USP33: variants seen among roughly 807,000 people sequenced by gnomAD.
The protein encoded by USP33 is ubiquitin carboxyl-terminal hydrolase 33.
A neutral mutation model predicts 124.2 loss-of-function variants in USP33; 46 were observed. The ratio of observed to expected loss-of-function variants is 0.37; its 90% CI spans 0.29 to 0.47. USP33 has a LOEUF of 0.47. Among genes scored for constraint, USP33 ranks in the 20% least tolerant of loss-of-function variants. USP33 has a pLI of 0.99. For missense variants in USP33, 851 were observed against 1,070.6 expected, an observed-to-expected ratio of 0.79 and a Z score of 2.86; for synonymous variants, 350 against 352.3, an observed-to-expected ratio of 0.99 and a Z score of 0.07.
intron 8 of USP33, 26 bp from the exon 9 acceptor site, chr1:77,729,964 G>A: frequency 6.4e-7 from 1 of 1,563,198 alleles, no homozygotes; most frequent in African/African-American, 1.4e-5. Context: ...TTTTTAAAGA[G>A]CAATTTTTGT....
At chr1:77,743,164 C>T (rs1432565929) in intron 1 of USP33, among the ~76,000 whole-genome samples, 6 of 151,918 alleles carry the variant, frequency 3.9e-5, no homozygotes, top group African/African-American at 1.5e-4. Context: ...AGGCTGATCT[C>T]GAACTCCCGA....
At position 77,715,838 on chromosome 1, in the gene USP33, T is replaced by C. The variant is rs987474517; in HGVS notation, c.1949A>G (p.Asn650Ser). The C allele has an allele frequency of 3.7e-6, 6 of 1,613,932 alleles. No homozygotes were observed. The highest frequency in any genetic ancestry group is 4.2e-6 in the Non-Finnish European group (5 of 1,179,966). ...AAATTCATACCAGAGATTATTTAGA[T>C]TGTTTCGGCAGTAGGCTATATAGTG... ...SGHYIAYCRN[N>S]LNNLWYEFDD... The change falls in exon 18 of 24, where the codon AAT (asparagine) becomes AGT (serine). Residue 650 changes from asparagine (N) to serine (S), a missense_variant. Asn to Ser is a conservative substitution (Grantham distance 46, BLOSUM62 1). Around this residue, in one of 4 missense-constraint regions of USP33, gnomAD observed 281 missense variants for 425.0 expected, o/e 0.66. Coordinates refer to ENST00000370794, the MANE Select transcript of USP33 (RefSeq NM_201624.3).
At chr1:77,747,240 CTTT>C (rs752560478) in intron 1 of USP33, among the ~76,000 whole-genome samples, 6 of 103,864 alleles carry the variant, frequency 5.8e-5, no homozygotes, top group African/African-American at 1.4e-4. Context: ...GGCTTCTGGG[CTTT>C]TTTTTTTTTT....
intron 1 of USP33, among the ~76,000 whole-genome samples, chr1:77,744,862 T>G (rs1427661653): frequency 4.6e-5 from 7 of 152,142 alleles, no homozygotes; most frequent in Non-Finnish European, 8.8e-5. Context: ...AAAACAAATT[T>G]GGAATAAGTG....
At chr1:77,714,509 G>A in intron 19 of USP33, 105 bp downstream of exon 19, 6 of 1,135,708 alleles carry the variant, frequency 5.3e-6, no homozygotes, top group Non-Finnish European at 7.6e-6. Context: ...GAATGCAGGT[G>A]GGGAAATGGG....
At chr1:77,744,113 ACT>A (rs1292619904) in intron 1 of USP33, among the ~76,000 whole-genome samples, 6 of 138,238 alleles carry the variant, frequency 4.3e-5, no homozygotes, top group African/African-American at 1.2e-4. Flanking sequence ...ACAGAGCAAG[ACT>A]CTGTCTCAAA....
intron 21 of USP33, among the ~76,000 whole-genome samples, chr1:77,710,733 C>T (rs144765143): frequency 6.6e-6 from 1 of 152,294 alleles, no homozygotes; most frequent in African/African-American, 2.4e-5. Flanking sequence ...ATCTTCTCCA[C>T]TGCTTTTACT....
At chr1:77,705,256 G>A (rs895040182) in intron 21 of USP33, among the ~76,000 whole-genome samples, 41 of 150,476 alleles carry the variant, frequency 2.7e-4, no homozygotes, top group Non-Finnish European at 1.2e-4. Context: ...GTGCAGTGGT[G>A]CGATCTCGGC....
intron 15 of USP33, chr1:77,720,220 AG>A: frequency 1.4e-6 from 1 of 732,932 alleles, no homozygotes; most frequent in Non-Finnish European, 1.7e-6. Context: ...GTGGAAAAAA[AG>A]ATAAAGGATG....
rs559420160 is a variant in USP33 at position 77,709,532 on chromosome 1, T to C, written c.2406+2215A>G. 1.8e-3 allele frequency among the ~76,000 whole-genome samples: 265 copies of C among 150,904 alleles called. 3 individuals are homozygous for C. The highest frequency in any genetic ancestry group is 6.1e-3 in the African/African-American group (252 of 41,230). On this transcript the variant is annotated intron_variant, in intron 21 of 23. Coordinates refer to ENST00000370794, the MANE Select transcript of USP33 (RefSeq NM_201624.3). ...TGTCTTTTAAAATAAAATTTAGAAA[T>C]ATATAGATATATATAGATACATATC...
intron 1 of USP33, among the ~76,000 whole-genome samples, chr1:77,754,073 C>T (rs1396164112): frequency 6.6e-6 from 1 of 152,034 alleles, no homozygotes; most frequent in Non-Finnish European, 1.5e-5. Context: ...GTGAAGACTT[C>T]GGTTCAAATA....
At chr1:77,732,125 A>C (rs1677895383) in intron 7 of USP33, among the ~76,000 whole-genome samples, 1 of 152,014 alleles carries the variant, frequency 6.6e-6, no homozygotes, top group East Asian at 1.9e-4. Flanking sequence ...AAAAAAAAAA[A>C]ACCAGAATTC....
rs1257237692 is a variant in USP33 at position 77,717,863 on chromosome 1, T to A, written c.1918+4A>T. 1 of 1,606,680 alleles carries A rather than the reference T, an allele frequency of 6.2e-7. No individual in the cohort carries two copies. The highest frequency in any genetic ancestry group is 1.7e-5 in the Admixed American group (1 of 58,632). On this transcript the variant is annotated splice_donor_region_variant and intron_variant, in intron 17 of 23. Transcript: ENST00000370794. ...AGGAACAACTGTTAAACCTATATAC[T>A]TACTACTTGCAGTTCCATGATGGCA...
chr1:77,728,322 T>C lies in USP33; in HGVS notation c.1108A>G (p.Lys370Glu), dbSNP rs960516236. Residue 370 changes from lysine to glutamate, a missense_variant, in exon 10 of 24, where the codon AAA (lysine) becomes GAA (glutamate). By Grantham distance (56) the Lys-to-Glu change is moderately conservative. Transcript: ENST00000370794. ...TVDLNNQETV[K>E]VQIHSRASEY... Reference sequence around the variant, plus strand: ...GAAGCTCTGCTGTGTATTTGCACTTTGACAGTTTCCTGGTTGTTTAAGTCG... The same window carrying C: ...GAAGCTCTGCTGTGTATTTGCACTTCGACAGTTTCCTGGTTGTTTAAGTCG... 11 of 1,601,774 alleles carry C rather than the reference T, an allele frequency of 6.9e-6. No homozygotes were observed. Among genetic ancestry groups the C allele is most frequent in the Non-Finnish European group, 8.5e-6 (10 of 1,175,900 alleles).
intron 9 of USP33, among the ~76,000 whole-genome samples, chr1:77,728,936 G>A (rs538497846): frequency 6.9e-4 from 105 of 152,160 alleles, no homozygotes; most frequent in African/African-American, 2.4e-3. Context: ...GTCTCATTCT[G>A]TTGTCCAAGC....
At chr1:77,754,310 C>CA (rs2101618766) in intron 1 of USP33, among the ~76,000 whole-genome samples, 1 of 152,170 alleles carries the variant, frequency 6.6e-6, no homozygotes, top group Admixed American at 6.5e-5. Flanking sequence ...TACACTTTAG[C>CA]AAAAATACAA....
chr1:77,745,918 A>G (rs923492059), intron 1 of USP33, among the ~76,000 whole-genome samples: 3 of 152,352 alleles, frequency 2.0e-5, no homozygotes, highest in Non-Finnish European at 4.4e-5. Context: ...AAATGCCCAC[A>G]GGAGAAAGCA....
chr1:77,697,973 A>T, intron 22 of USP33, 42 bp from the exon 23 acceptor site: 2 of 1,558,810 alleles, frequency 1.3e-6, no homozygotes, highest in Non-Finnish European at 1.7e-6. Context: ...AAAGAAATGT[A>T]ACAAAAAATT....
At chr1:77,726,670 C>G (rs1677196156) in intron 10 of USP33, among the ~76,000 whole-genome samples, 1 of 150,064 alleles carries the variant, frequency 6.7e-6, no homozygotes, top group Non-Finnish European at 1.5e-5. Context: ...AAAAGATATT[C>G]AGGACAGGTT....
Sources: gnomAD v4.1 joint callset for allele counts (sites outside exome capture counted in the v4.1 genomes callset) on GRCh38, gnomAD v4.1.1 for gene constraint, gnomAD v4.1.1 regional missense constraint, MANE v1.5 for transcripts, NCBI Gene and HGNC (gene_info 2026-07-23, HGNC 2026-07-21) for gene names.